The following MTUS2 variants were observed in gnomAD, a reference collection of about 807,000 sequenced individuals.
The protein encoded by MTUS2 is microtubule-associated tumor suppressor candidate 2.
In MTUS2, 40 loss-of-function variants were observed where a neutral mutation model predicts 114.1. That is an observed-to-expected ratio of 0.35 (90% CI 0.27 to 0.46). The LOEUF (loss-of-function observed/expected upper bound fraction) is 0.46. Ranked by LOEUF, MTUS2 falls within the 20% of genes least tolerant of loss-of-function variation. The probability of loss-of-function intolerance (pLI) is 1.00; values close to 1 mark genes in which losing one functional copy is unlikely to be tolerated. For missense variants in MTUS2, 1,679 were observed against 1,705.4 expected (o/e 0.98, Z 0.27); for synonymous variants, 688 against 672.0 (o/e 1.02, Z -0.37).
chr13:29,119,007 C>G (rs1012721924), intron 5 of MTUS2, among the ~76,000 whole-genome samples: 2 of 152,082 alleles, frequency 1.3e-5, no homozygotes, highest in Non-Finnish European at 2.9e-5. Context: ...TATTCAGAAA[C>G]TCTAAGGAAA....
At chr13:29,019,949 A>AG (rs1383772204) in intron 2 of MTUS2, among the ~76,000 whole-genome samples, 1 of 152,212 alleles carries the variant, frequency 6.6e-6, no homozygotes, top group African/African-American at 2.4e-5. Flanking sequence ...TTTGGGAGGA[A>AG]GGGAGCATAT....
At chr13:29,293,336 A>G (rs1566113819) in intron 6 of MTUS2, among the ~76,000 whole-genome samples, 1 of 152,194 alleles carries the variant, frequency 6.6e-6, no homozygotes. Flanking sequence ...ATGGCTATAA[A>G]CATATGAAAA....
chr13:29,024,251 A>G (rs1484830683), intron 2 of MTUS2, among the ~76,000 whole-genome samples: 2 of 152,236 alleles, frequency 1.3e-5, no homozygotes, highest in Non-Finnish European at 2.9e-5. Flanking sequence ...ACATGCATTT[A>G]TAATCCATTT....
chr13:29,235,938 C>T (rs1195398889), intron 5 of MTUS2, among the ~76,000 whole-genome samples: 1 of 152,134 alleles, frequency 6.6e-6, no homozygotes, highest in Non-Finnish European at 1.5e-5. Flanking sequence ...CATTTTTCTA[C>T]AAAATTACGC....
chr13:28,947,681 A>G (rs1882604414), intron 2 of MTUS2, among the ~76,000 whole-genome samples: 1 of 152,244 alleles, frequency 6.6e-6, no homozygotes, highest in Non-Finnish European at 1.5e-5. Flanking sequence ...TAGCACTTGT[A>G]TCTCCAACAC....
chr13:28,981,596 A>G (rs1043289862), intron 2 of MTUS2, among the ~76,000 whole-genome samples: 2 of 152,222 alleles, frequency 1.3e-5, no homozygotes, highest in African/African-American at 4.8e-5. Context: ...GTGATGGAAA[A>G]AAGTAGAGTT....
intron 5 of MTUS2, among the ~76,000 whole-genome samples, chr13:29,166,689 A>G (rs1277641884): frequency 1.3e-5 from 2 of 152,244 alleles, no homozygotes; most frequent in Non-Finnish European, 2.9e-5. Flanking sequence ...TTTCAAAATC[A>G]ACACAATACA....
intron 2 of MTUS2, among the ~76,000 whole-genome samples, chr13:28,895,854 T>A (rs1879234164): frequency 6.6e-6 from 1 of 152,214 alleles, no homozygotes; most frequent in Non-Finnish European, 1.5e-5. Context: ...CATACTCATT[T>A]GCCAAAACAG....
intron 2 of MTUS2, among the ~76,000 whole-genome samples, chr13:28,984,385 T>G (rs773506489): frequency 1.3e-5 from 2 of 152,198 alleles, no homozygotes; most frequent in Non-Finnish European, 2.9e-5. Flanking sequence ...CTAGTATCCA[T>G]AAAAGGGGTC....
intron 2 of MTUS2, among the ~76,000 whole-genome samples, chr13:28,927,363 C>T (rs1881379354): frequency 6.6e-6 from 1 of 151,890 alleles, no homozygotes; most frequent in Admixed American, 6.6e-5. Context: ...GAGTTTGAGA[C>T]CACCCTGGGC....
At chr13:28,926,458 AGGGCATTT>A (rs1881333067) in intron 2 of MTUS2, among the ~76,000 whole-genome samples, 1 of 152,086 alleles carries the variant, frequency 6.6e-6, no homozygotes, top group Non-Finnish European at 1.5e-5. Context: ...AGCCTGCACC[AGGGCATTT>A]AGTTCCAGGA....
rs542084192 is a variant in MTUS2, at chr13:29,122,494, T to C, written c.2644+21524T>C. Among the ~76,000 whole-genome samples the C allele has an allele frequency of 7.9e-5, 12 of 152,296 alleles. No individual in the cohort carries two copies. In the South Asian group the frequency reaches 2.5e-3, roughly 32 times the overall value. On this transcript the variant is annotated intron_variant, in intron 5 of 15. Transcript: ENST00000612955. Reference sequence around the variant, plus strand: ...TCAGATCTCGTGAGAACTCACTCACTATCATGAGAACAGCATGAGGATAAC... The same window carrying C: ...TCAGATCTCGTGAGAACTCACTCACCATCATGAGAACAGCATGAGGATAAC...
chr13:29,425,683 A>G (rs1876464588), intron 8 of MTUS2, among the ~76,000 whole-genome samples: 1 of 152,178 alleles, frequency 6.6e-6, no homozygotes, highest in African/African-American at 2.4e-5. Flanking sequence ...TAACATGTAA[A>G]GAAAACAAGG....
intron 7 of MTUS2, among the ~76,000 whole-genome samples, chr13:29,335,881 T>C: frequency 6.6e-6 from 1 of 152,166 alleles, no homozygotes; most frequent in South Asian, 2.1e-4. Flanking sequence ...GCTTTGTTCA[T>C]TCCTTTTCAT....
At chr13:28,911,766 T>C (rs1880446605) in intron 2 of MTUS2, among the ~76,000 whole-genome samples, 1 of 152,092 alleles carries the variant, frequency 6.6e-6, no homozygotes, top group Admixed American at 6.6e-5. Context: ...GATGTTGAGC[T>C]TTTTTTCATA....
chr13:28,854,479 A>G (rs568530421), intron 2 of MTUS2, among the ~76,000 whole-genome samples: 13 of 152,272 alleles, frequency 8.5e-5, no homozygotes, highest in African/African-American at 2.6e-4. Context: ...CCTCTCAGGA[A>G]CCACCGTTCA....
intron 2 of MTUS2, among the ~76,000 whole-genome samples, chr13:29,008,355 C>T (rs1478657343): frequency 6.6e-6 from 1 of 152,176 alleles, no homozygotes; most frequent in African/African-American, 2.4e-5. Context: ...ATCAACCAAG[C>T]ACCTCAGGAC....
At position 29,039,996 on chromosome 13, in the gene MTUS2, G is replaced by T. The variant is rs571834123; in HGVS notation, c.2446+5871G>T. 1.3e-3 allele frequency among the ~76,000 whole-genome samples: 193 copies of T among 152,092 alleles called. 4 individuals carry two copies. The South Asian group carries it at 0.016, about 12-fold the overall frequency. On this transcript the variant is annotated intron_variant, in intron 4 of 15. Coordinates refer to ENST00000612955, the MANE Select transcript of MTUS2 (RefSeq NM_001033602.4). The stretch of plus-strand genomic sequence containing the variant: ...TTGAAATATTATTTCAGTAGTTTTT[G>T]GGGGAAAGGTGATGTTTGGTTATAT...
chr13:29,207,786 GT>G (rs1895253504), intron 5 of MTUS2, among the ~76,000 whole-genome samples: 1 of 152,044 alleles, frequency 6.6e-6, no homozygotes, highest in African/African-American at 2.4e-5. Flanking sequence ...CTTGATCATG[GT>G]GGATTACCTT....
Sources: allele counts gnomAD v4.1 joint callset (sites outside exome capture counted in the v4.1 genomes callset), GRCh38; gene constraint gnomAD v4.1.1; transcripts MANE v1.5; gene names NCBI Gene and HGNC (gene_info 2026-07-23, HGNC 2026-07-21).